Variants in LHPP observed in about 807,000 individuals in gnomAD.
LHPP encodes phospholysine phosphohistidine inorganic pyrophosphate phosphatase, also known as hLHPP.
A neutral mutation model predicts 30.3 loss-of-function variants in LHPP; 24 were observed. The observed-to-expected ratio is 0.79, with a 90% CI of 0.57 to 1.11. The LOEUF is 1.11. LHPP is among the 50% of genes most tolerant of loss of function. The pLI, the probability that LHPP is intolerant of heterozygous loss-of-function variation, is 0.00. For synonymous variants in LHPP, 150 were observed against 157.1 expected (o/e 0.95, Z 0.34); for missense variants, 356 against 367.2 (o/e 0.97, Z 0.25).
intron 6 of LHPP, among the ~76,000 whole-genome samples, chr10:124,606,146 C>T (rs545796582): frequency 6.6e-6 from 1 of 152,304 alleles, no homozygotes; most frequent in Admixed American, 6.5e-5. Context: ...GAGAGGAGAA[C>T]CCGCAGCCGC....
At chr10:124,498,530 T>G in intron 5 of LHPP, 40 of 1,405,532 alleles carry the variant, frequency 2.8e-5, no homozygotes, top group Non-Finnish European at 3.6e-5. Flanking sequence ...TTGACTATTT[T>G]GGGATAGATT....
chr10:124,576,307 G>A lies in LHPP; in HGVS notation c.717-36957G>A, dbSNP rs559508643. Reference sequence around the variant, plus strand: ...CCGGCAGAACATAAAGTACTAGTGTGGGGTATGAGGCAGCATGTGGGGGCG... The same window carrying A: ...CCGGCAGAACATAAAGTACTAGTGTAGGGTATGAGGCAGCATGTGGGGGCG... On this transcript the variant is annotated intron_variant, in intron 6 of 6. Transcript: ENST00000368842. This position sits in a 1 kb window ranked among gnomAD's most constrained non-coding sequence, Gnocchi z 4.2. Among the ~76,000 whole-genome samples, 16 of 152,242 alleles carry A rather than the reference G, an allele frequency of 1.1e-4. No homozygotes were observed. Among genetic ancestry groups the A allele is most frequent in the African/African-American group, 3.9e-4 (16 of 41,532 alleles).
At chr10:124,543,992 G>A (rs1034111407) in intron 6 of LHPP, among the ~76,000 whole-genome samples, 3 of 152,232 alleles carry the variant, frequency 2.0e-5, no homozygotes, top group Non-Finnish European at 2.9e-5. Context: ...CAGAGTTGCC[G>A]GCATCTCACC....
At chr10:124,601,937 G>C (rs2362502) in intron 6 of LHPP, among the ~76,000 whole-genome samples, 90,778 of 152,046 alleles carry the variant, frequency 0.6, 27,285 homozygotes, top group East Asian at 0.68. Flanking sequence ...GCGTGCACTC[G>C]CAGCATGCAC....
chr10:124,537,846 G>A (rs1044815244), intron 6 of LHPP, among the ~76,000 whole-genome samples: 32 of 152,236 alleles, frequency 2.1e-4, no homozygotes, highest in South Asian at 4.1e-4. Flanking sequence ...GAGTCGCCCC[G>A]TTATGAATGT....
At chr10:124,567,787 T>C (rs1009833951) in intron 6 of LHPP, among the ~76,000 whole-genome samples, 9 of 152,226 alleles carry the variant, frequency 5.9e-5, no homozygotes, top group African/African-American at 2.2e-4. Context: ...CACAAACACA[T>C]GGACACACAT....
chr10:124,545,994 G>A (rs1408385589), intron 6 of LHPP: 1 of 152,406 alleles, frequency 6.6e-6, no homozygotes, highest in Non-Finnish European at 1.5e-5. Flanking sequence ...GAGAACCCAG[G>A]GCTCGCTGGG....
rs1949230672 is a variant in LHPP, at chr10:124,613,444, C to CCT, written c.*84_*85insCT. ...CCTCCACCCCTGCCTCTCCTCCACCCGCCCAGGAGAGCCCCACCTCCTCCA... is the reference window on the plus strand; with the variant it reads ...CCTCCACCCCTGCCTCTCCTCCACCCCTGCCCAGGAGAGCCCCACCTCCTCCA... On this transcript the variant is annotated 3_prime_UTR_variant, in exon 7 of 7. Coordinates refer to ENST00000368842, the MANE Select transcript of LHPP (RefSeq NM_022126.4). 3.2e-6 allele frequency: 3 copies of CCT among 943,692 alleles called. No individual in the cohort carries two copies. The highest frequency in any genetic ancestry group is 4.9e-6 in the Non-Finnish European group (3 of 606,078). The allele number at this position is 943,692 out of a possible 1,614,324, so 58.5% of individuals were successfully genotyped here.
intron 1 of LHPP, 55 bp downstream of exon 1, chr10:124,462,042 C>T: frequency 8.4e-7 from 1 of 1,188,528 alleles, no homozygotes; most frequent in Non-Finnish European, 1.0e-6. Context: ...TCAGCCCGCT[C>T]CCTGGCTGCC....
At chr10:124,553,178 C>G (rs1286120311) in intron 6 of LHPP, among the ~76,000 whole-genome samples, 1 of 152,128 alleles carries the variant, frequency 6.6e-6, no homozygotes, top group Non-Finnish European at 1.5e-5. Context: ...CATGGGAAGC[C>G]AGGTCCCTGT....
rs1949232120 is a variant in LHPP at position 124,613,586 on chromosome 10, T to A, written c.*226T>A. 2 of 573,364 alleles carry A rather than the reference T, an allele frequency of 3.5e-6. No individual in the cohort carries two copies. The highest frequency in any genetic ancestry group is 5.9e-5 in the East Asian group (2 of 33,900). 35.5% of individuals were successfully genotyped at this position (573,364 alleles called of 1,614,324 possible). On this transcript the variant is annotated 3_prime_UTR_variant, in exon 7 of 7. Coordinates refer to ENST00000368842, the MANE Select transcript of LHPP (RefSeq NM_022126.4). Reference sequence around the variant, plus strand: ...CCTGCATGGGCAGGCATTTGTTCCCTACCTGGGTGGCCTGCTCCCCTGCCT... The same window carrying A: ...CCTGCATGGGCAGGCATTTGTTCCCAACCTGGGTGGCCTGCTCCCCTGCCT...
chr10:124,480,290 G>T (rs562115349), intron 1 of LHPP, among the ~76,000 whole-genome samples: 1 of 152,068 alleles, frequency 6.6e-6, no homozygotes, highest in Non-Finnish European at 1.5e-5. Flanking sequence ...GATTTTTCAG[G>T]GATAGATTTC....
At chr10:124,602,249 T>G (rs1444574758) in intron 6 of LHPP, among the ~76,000 whole-genome samples, 1 of 152,220 alleles carries the variant, frequency 6.6e-6, no homozygotes, top group African/African-American at 2.4e-5. Flanking sequence ...GCATGGCTGT[T>G]CATCTCTGGG....
chr10:124,465,954 T>A (rs1246513173), intron 1 of LHPP, among the ~76,000 whole-genome samples: 1 of 152,198 alleles, frequency 6.6e-6, no homozygotes, highest in African/African-American at 2.4e-5. Flanking sequence ...ACACTTTCTC[T>A]GTGAGAGTTT....
At chr10:124,600,287 C>G (rs1425840628) in intron 6 of LHPP, among the ~76,000 whole-genome samples, 3 of 152,248 alleles carry the variant, frequency 2.0e-5, no homozygotes, top group Non-Finnish European at 4.4e-5. Flanking sequence ...GTTTCTGTTA[C>G]TGGCACCTGC....
chr10:124,554,079 T>C (rs113414305), intron 6 of LHPP: 2 of 985,302 alleles, frequency 2.0e-6, no homozygotes, highest in African/African-American at 3.5e-5. Flanking sequence ...GTGGTCAGCC[T>C]GGGCTGCCTG....
chr10:124,462,202 C>T (rs1952424135), intron 1 of LHPP, among the ~76,000 whole-genome samples: 2 of 152,172 alleles, frequency 1.3e-5, no homozygotes, highest in South Asian at 4.1e-4. Flanking sequence ...TAGGGCTGCG[C>T]GGTCAGACAG....
intron 5 of LHPP, among the ~76,000 whole-genome samples, chr10:124,500,749 A>T (rs1199655220): frequency 1.3e-5 from 2 of 151,910 alleles, no homozygotes; most frequent in Non-Finnish European, 2.9e-5. Flanking sequence ...ATAGAAAATA[A>T]CAAGTGTTGG....
At chr10:124,569,385 ACAGAGCTG>A (rs1376980306) in intron 6 of LHPP, among the ~76,000 whole-genome samples, 6 of 152,156 alleles carry the variant, frequency 3.9e-5, no homozygotes, top group African/African-American at 1.4e-4. Flanking sequence ...GGGACAGCCT[ACAGAGCTG>A]CTGTCTCTTC....
Sources: gnomAD v4.1 joint callset for allele counts (sites outside exome capture counted in the v4.1 genomes callset) on GRCh38, gnomAD v4.1.1 for gene constraint, Gnocchi (gnomAD v3.1) non-coding constraint, MANE v1.5 for transcripts, NCBI Gene and HGNC (gene_info 2026-07-23, HGNC 2026-07-21) for gene names.